Variants in NCKAP5 observed in about 807,000 individuals in gnomAD.
The protein encoded by NCKAP5 is NCK associated protein 5.
In NCKAP5, 92 loss-of-function variants were observed where a neutral mutation model predicts 167.0. The observed-to-expected ratio is 0.55, with a 90% CI of 0.47 to 0.66. The LOEUF (loss-of-function observed/expected upper bound fraction) is 0.66. Ranked by LOEUF, NCKAP5 falls within the 30% of genes least tolerant of loss-of-function variation. The pLI is 0.00. For synonymous variants in NCKAP5, 891 were observed against 877.4 expected, an observed-to-expected ratio of 1.02 and a Z score of -0.27; for missense variants, 2,378 against 2,315.0, an observed-to-expected ratio of 1.03 and a Z score of -0.56.
intron 6 of NCKAP5, among the ~76,000 whole-genome samples, chr2:133,113,800 A>T (rs1219016871): frequency 5.3e-5 from 8 of 152,114 alleles, no homozygotes; most frequent in African/African-American, 1.7e-4. Context: ...ACACATGTGC[A>T]CCCCAGGCCC....
intron 11 of NCKAP5, among the ~76,000 whole-genome samples, chr2:132,839,893 A>G (rs1051809674): frequency 2.6e-5 from 4 of 152,206 alleles, no homozygotes; most frequent in African/African-American, 9.6e-5. Flanking sequence ...CTTACAATAA[A>G]GTAAGCTAAA....
At chr2:133,503,980 A>C (rs1007245694) in intron 3 of NCKAP5, among the ~76,000 whole-genome samples, 2 of 152,116 alleles carry the variant, frequency 1.3e-5, no homozygotes, top group African/African-American at 4.8e-5. Context: ...CTCTGGGCAC[A>C]AGAACGGGCT....
At chr2:133,034,945 C>A (rs965149247) in intron 6 of NCKAP5, among the ~76,000 whole-genome samples, 2 of 151,926 alleles carry the variant, frequency 1.3e-5, no homozygotes, top group Non-Finnish European at 2.9e-5. Context: ...ATGTACTATA[C>A]TCTCCAATCA....
At chr2:133,276,001 C>G (rs1390845368) in intron 4 of NCKAP5, among the ~76,000 whole-genome samples, 2 of 151,834 alleles carry the variant, frequency 1.3e-5, no homozygotes, top group Non-Finnish European at 2.9e-5. Flanking sequence ...CCACCCATTC[C>G]ACTTCTATCA....
chr2:133,072,480 G>A (rs2080448496), intron 6 of NCKAP5, among the ~76,000 whole-genome samples: 1 of 152,078 alleles, frequency 6.6e-6, no homozygotes, highest in Admixed American at 6.5e-5. Flanking sequence ...CCTGAGTGCA[G>A]ACAATTTAAG....
At chr2:133,258,676 G>A (rs1425633827) in intron 4 of NCKAP5, among the ~76,000 whole-genome samples, 1 of 151,890 alleles carries the variant, frequency 6.6e-6, no homozygotes, top group African/African-American at 2.4e-5. Context: ...GCCCAGGGAG[G>A]TTGAGGTTGC....
At chr2:133,270,806 C>G (rs576054293) in intron 4 of NCKAP5, among the ~76,000 whole-genome samples, 1 of 152,274 alleles carries the variant, frequency 6.6e-6, no homozygotes, top group South Asian at 2.1e-4. Context: ...AGGGTGTACA[C>G]CAAGTAACCA....
intron 6 of NCKAP5, chr2:133,123,719 G>C: frequency 2.1e-6 from 1 of 469,140 alleles, no homozygotes; most frequent in African/African-American, 2.0e-5. Context: ...AACAAGTGCA[G>C]AAGAGGAGAA....
chr2:133,124,576 T>A (rs2082344318), intron 6 of NCKAP5, among the ~76,000 whole-genome samples: 1 of 152,202 alleles, frequency 6.6e-6, no homozygotes, highest in Non-Finnish European at 1.5e-5. Context: ...AAGTATGAAG[T>A]CTGGCTGTTC....
chr2:133,663,259 C>A, the NCKAP5 span, among the ~76,000 whole-genome samples: 1 of 132,510 alleles, frequency 7.5e-6, no homozygotes, highest in African/African-American at 3.0e-5. Context: ...GGCGGCAGAG[C>A]GAGACTCCGT....
At chr2:133,583,955 C>T in the NCKAP5 span, among the ~76,000 whole-genome samples, 1 of 152,236 alleles carries the variant, frequency 6.6e-6, no homozygotes, top group South Asian at 2.1e-4. Flanking sequence ...GGGGTTTCAC[C>T]GTGTTAGCCA....
intron 3 of NCKAP5, among the ~76,000 whole-genome samples, chr2:133,497,340 T>C (rs199793147): frequency 1.3e-5 from 2 of 152,358 alleles, no homozygotes; most frequent in East Asian, 3.8e-4. Flanking sequence ...GTTTTCTTAA[T>C]ACTCCCTTAA....
intron 3 of NCKAP5, among the ~76,000 whole-genome samples, chr2:133,311,054 C>A (rs1482559770): frequency 6.6e-6 from 1 of 152,296 alleles, no homozygotes; most frequent in Non-Finnish European, 1.5e-5. Flanking sequence ...TAAAATTTAA[C>A]TCAATTCTGA....
chr2:132,688,177 C>T lies in NCKAP5; in HGVS notation c.5714-14872G>A, dbSNP rs540422801. Among the ~76,000 whole-genome samples, 197 of 152,186 alleles carry T rather than the reference C, an allele frequency of 1.3e-3. 2 individuals are homozygous for T. Among genetic ancestry groups the T allele is most frequent in the African/African-American group, 4.6e-3 (190 of 41,512 alleles). ...AACAGAAGATAAGATGAAGAAAAAGCTGTAAAATTGTAAGAGGTTGGTACA... is the reference window on the plus strand; with the variant it reads ...AACAGAAGATAAGATGAAGAAAAAGTTGTAAAATTGTAAGAGGTTGGTACA... On this transcript the variant is annotated intron_variant, in intron 19 of 19. Coordinates refer to ENST00000409261, the MANE Select transcript of NCKAP5 (RefSeq NM_207363.3).
chr2:133,412,201 T>G (rs1256928228), intron 3 of NCKAP5, among the ~76,000 whole-genome samples: 1 of 152,182 alleles, frequency 6.6e-6, no homozygotes, highest in African/African-American at 2.4e-5. Context: ...ATGGGTTTAG[T>G]GTCCTTATAG....
intron 3 of NCKAP5, among the ~76,000 whole-genome samples, chr2:133,441,263 G>A (rs894259678): frequency 2.0e-5 from 3 of 152,184 alleles, no homozygotes; most frequent in Non-Finnish European, 2.9e-5. Flanking sequence ...AGATGGAGTT[G>A]ACGCTATACC....
At chr2:133,299,975 T>C (rs1211859415) in intron 4 of NCKAP5, among the ~76,000 whole-genome samples, 2 of 149,440 alleles carry the variant, frequency 1.3e-5, no homozygotes, top group African/African-American at 2.5e-5. Context: ...AAATACAAAC[T>C]ACCATCAGAG....
intron 6 of NCKAP5, among the ~76,000 whole-genome samples, chr2:133,106,412 C>T (rs1040366591): frequency 1.3e-5 from 2 of 151,950 alleles, no homozygotes; most frequent in Non-Finnish European, 2.9e-5. Context: ...GATCATCCTA[C>T]TACACCCTTT....
intron 16 of NCKAP5, among the ~76,000 whole-genome samples, chr2:132,763,816 T>C (rs1681216336): frequency 6.6e-6 from 1 of 152,230 alleles, no homozygotes; most frequent in African/African-American, 2.4e-5. Flanking sequence ...TATTTGCTTC[T>C]CTGCATCCTT....
Sources: gnomAD v4.1 joint callset for allele counts (sites outside exome capture counted in the v4.1 genomes callset) on GRCh38, gnomAD v4.1.1 for gene constraint, MANE v1.5 for transcripts, NCBI Gene and HGNC (gene_info 2026-07-23, HGNC 2026-07-21) for gene names.